The following AGT variants were observed in gnomAD, a reference collection of about 807,000 sequenced individuals.
AGT encodes angiotensinogen.
AGT carries 26 observed loss-of-function variants against 28.1 expected under a neutral mutation model. That is an observed-to-expected ratio of 0.92 (90% CI 0.68 to 1.28). The LOEUF is 1.28. Among genes scored for constraint, AGT ranks in the 50% most tolerant of loss-of-function variants. AGT has a pLI of 0.00. For missense variants in AGT, 596 were observed against 592.3 expected (o/e 1.01, Z -0.06); for synonymous variants, 259 against 259.6 (o/e 1.00, Z 0.02).
At chr1:230,735,829 C>T (rs370110995) in intron 1 of AGT, among the ~76,000 whole-genome samples, 1 of 152,220 alleles carries the variant, frequency 6.6e-6, no homozygotes, top group Non-Finnish European at 1.5e-5. Context: ...TACCCTGCTG[C>T]TTCCAGCCCC....
At chr1:230,723,446 A>G (rs534601083) in intron 1 of AGT, among the ~76,000 whole-genome samples, 23 of 152,324 alleles carry the variant, frequency 1.5e-4, no homozygotes, top group African/African-American at 4.8e-4. Context: ...AGTATATTTC[A>G]TGTTGAATTT....
intron 1 of AGT, among the ~76,000 whole-genome samples, chr1:230,731,021 C>T (rs1016008191): frequency 2.0e-5 from 3 of 152,190 alleles, no homozygotes; most frequent in South Asian, 2.1e-4. Context: ...AATGTATAGC[C>T]TATCACTAAT....
chr1:230,717,533 G>A (rs1192366602), upstream of AGT, among the ~76,000 whole-genome samples: 1 of 152,098 alleles, frequency 6.6e-6, no homozygotes, highest in Admixed American at 6.5e-5. Flanking sequence ...TTTTGCCTCT[G>A]AGCCAAAACT....
Position 230,704,218 on chromosome 1 carries a change from C to T in AGT, c.1217G>A (p.Ser406Asn), listed in dbSNP as rs766879743. The T allele has an allele frequency of 1.2e-6, 2 of 1,614,246 alleles. No homozygotes were observed. Among genetic ancestry groups the T allele is most frequent in the South Asian group, 1.1e-5 (1 of 91,090 alleles). Residue 406 changes from serine (S) to asparagine (N), a missense_variant, in exon 4 of 5, where the codon AGC becomes AAC. By Grantham distance (46) the Ser-to-Asn change is conservative. Coordinates refer to ENST00000366667, the MANE Select transcript of AGT (RefSeq NM_001384479.1). ...CTCCCCCACCCTGATGCGGTCATTG[C>T]TCAATTTTTGCAGGTTCAGCTCGGT... is the stretch of plus-strand genomic sequence containing the variant. ...LHTELNLQKLSNDRIRVGEVL... is the reference protein window; with the variant it reads ...LHTELNLQKLNNDRIRVGEVL...
chr1:230,735,499 T>C (rs1664139727), intron 1 of AGT, among the ~76,000 whole-genome samples: 2 of 152,150 alleles, frequency 1.3e-5, no homozygotes, highest in South Asian at 4.1e-4. Flanking sequence ...GTAGGTAAAG[T>C]GGCTTTTTTG....
chr1:230,706,683 C>A (rs1309247348), intron 2 of AGT, among the ~76,000 whole-genome samples: 2 of 152,204 alleles, frequency 1.3e-5, no homozygotes, highest in Admixed American at 6.5e-5. Flanking sequence ...CACTACACAG[C>A]CTCCCCCGTG....
rs762900777 is a variant in AGT at position 230,706,187 on chromosome 1, G to A, written c.843C>T (p.Gly281=). The part of the protein sequence containing the change: ...TYVHFQGKMK[G]FSLLAEPQEF... ...CCTGGGGCTCGGCCAGCAGGGAGAA[G>A]CCCTTCATCTTCCCTGAAATCCAGA... Residue 281 remains glycine, a synonymous_variant, in exon 3 of 5, where the codon GGC becomes GGT. Transcript: ENST00000366667. 1.9e-6 allele frequency: 3 copies of A among 1,613,554 alleles called. No homozygotes were observed. Among genetic ancestry groups the A allele is most frequent in the Admixed American group, 3.3e-5 (2 of 60,020 alleles).
chr1:230,720,985 G>A (rs1663832797), intron 1 of AGT, among the ~76,000 whole-genome samples: 1 of 152,232 alleles, frequency 6.6e-6, no homozygotes, highest in South Asian at 2.1e-4. Flanking sequence ...GCCAGACCTG[G>A]CCCAGGGGGG....
intron 1 of AGT, 68 bp from the exon 2 acceptor site, chr1:230,710,921 T>C: frequency 1.9e-6 from 3 of 1,545,930 alleles, no homozygotes; most frequent in Non-Finnish European, 1.8e-6. Context: ...TCTAACCAGA[T>C]CTTTCATTGT....
chr1:230,737,017 G>T lies in AGT; in HGVS notation c.-31+8498C>A, dbSNP rs113332339. On this transcript the variant is annotated intron_variant, in intron 1 of 4. Transcript: ENST00000681269. ...TGGAGCTGGAATCTGGAGCACAGAG[G>T]TTTGAACGCTGAAGACAGCTGACTT... is the stretch of plus-strand genomic sequence containing the variant. Among the ~76,000 whole-genome samples, 248 of 152,264 alleles carry T rather than the reference G, an allele frequency of 1.6e-3. 3 individuals carry two copies. The highest frequency in any genetic ancestry group is 5.8e-3 in the African/African-American group (242 of 41,548).
chr1:230,734,817 C>A (rs1169480878), intron 1 of AGT, among the ~76,000 whole-genome samples: 1 of 152,074 alleles, frequency 6.6e-6, no homozygotes, highest in Admixed American at 6.5e-5. Flanking sequence ...TCATGCCACT[C>A]TCCTGCCTCA....
intron 1 of AGT, among the ~76,000 whole-genome samples, chr1:230,735,108 CGCTTGGTACTTTATAG>C (rs1407311445): frequency 2.0e-5 from 3 of 152,082 alleles, no homozygotes; most frequent in African/African-American, 7.2e-5. Flanking sequence ...TGGAGGACTG[CGCTTGGTACTTTATAG>C]GCCTCCCGCC....
At chr1:230,718,722 C>CTT (rs1228887131), upstream of AGT, among the ~76,000 whole-genome samples, 6,078 of 118,316 alleles carry the variant, frequency 0.051, 519 homozygotes, top group East Asian at 0.13. Flanking sequence ...TTCCACACCG[C>CTT]TTTTTTTTTT....
At chr1:230,715,963 G>T (rs1188088978), upstream of AGT, among the ~76,000 whole-genome samples, 3 of 152,118 alleles carry the variant, frequency 2.0e-5, no homozygotes, top group Admixed American at 6.5e-5. Context: ...TGGTGTAAAA[G>T]AAAATAAAAT....
At chr1:230,743,245 C>T (rs1432592173) in intron 1 of AGT, among the ~76,000 whole-genome samples, 1 of 152,174 alleles carries the variant, frequency 6.6e-6, no homozygotes, top group African/African-American at 2.4e-5. Flanking sequence ...TCTGTCTCAG[C>T]CTCCCAAAGT....
chr1:230,737,309 A>T (rs1417709945), intron 1 of AGT, among the ~76,000 whole-genome samples: 1 of 151,570 alleles, frequency 6.6e-6, no homozygotes, highest in African/African-American at 2.4e-5. Flanking sequence ...GAAATTGTTT[A>T]TTATTATTAT....
intron 1 of AGT, among the ~76,000 whole-genome samples, chr1:230,725,745 T>C (rs1434909520): frequency 6.6e-6 from 1 of 150,800 alleles, no homozygotes; most frequent in Non-Finnish European, 1.5e-5. Flanking sequence ...TATCAGTTAA[T>C]GCCTTTCTAC....
chr1:230,742,182 A>G (rs1270942982), intron 1 of AGT, among the ~76,000 whole-genome samples: 1 of 152,102 alleles, frequency 6.6e-6, no homozygotes, highest in East Asian at 1.9e-4. Flanking sequence ...CCCCCAGAAA[A>G]CAGAACCACT....
chr1:230,730,222 T>A (rs1404633129), intron 1 of AGT, among the ~76,000 whole-genome samples: 2 of 151,342 alleles, frequency 1.3e-5, no homozygotes, highest in African/African-American at 4.9e-5. Context: ...TGCCCGGCTA[T>A]TTTTTTGTTT....
Sources: allele counts gnomAD v4.1 joint callset (sites outside exome capture counted in the v4.1 genomes callset), GRCh38; gene constraint gnomAD v4.1.1; transcripts MANE v1.5; gene names NCBI Gene and HGNC (gene_info 2026-07-23, HGNC 2026-07-21).